Variants in NOXO1 observed in about 807,000 individuals in gnomAD.
The protein encoded by NOXO1 is NADPH oxidase organizer 1.
In NOXO1, 38 loss-of-function variants were observed where a neutral mutation model predicts 33.3. The observed-to-expected ratio is 1.14, with a 90% CI of 0.88 to 1.50. The LOEUF (loss-of-function observed/expected upper bound fraction) is 1.50. NOXO1 is among the 40% of genes most tolerant of loss of function. The pLI is 0.00. For synonymous variants in NOXO1, 302 were observed against 237.3 expected (o/e 1.27, Z -2.51); for missense variants, 675 against 527.1 (o/e 1.28, Z -2.75).
rs770620707 is a variant in NOXO1 at position 1,979,337 on chromosome 16, C to T, written c.831G>A (p.Arg277=). The change falls in exon 8 of 8, where the codon CGG becomes CGA. Residue 277 remains arginine (R), a synonymous_variant. Transcript: ENST00000356120. ...GCAGCACCGCGGGGAGTAGGCCCGCCCGGTCGCCGTACCTGCGAGGGGCGG... is the reference window on the plus strand; with the variant it reads ...GCAGCACCGCGGGGAGTAGGCCCGCTCGGTCGCCGTACCTGCGAGGGGCGG... ...RGWWLCRYGD[R]AGLLPAVLLR... The T allele has an allele frequency of 1.3e-5, 20 of 1,575,682 alleles. No individual in the cohort carries two copies. The African/African-American group carries it at 2.4e-4, about 19-fold the overall frequency.
chr16:1,980,472 G>T lies in NOXO1; in HGVS notation c.296C>A (p.Ser99Tyr). The T allele has an allele frequency of 6.2e-7, 1 of 1,602,388 alleles. No individual in the cohort carries two copies. Among genetic ancestry groups the T allele is most frequent in the East Asian group, 2.2e-5 (1 of 44,870 alleles). The change falls in exon 4 of 8, where the codon TCT becomes TAT. Residue 99 changes from serine to tyrosine, a missense_variant. By Grantham distance (144) the Ser-to-Tyr change is moderately radical. Coordinates refer to ENST00000356120, the MANE Select transcript of NOXO1 (RefSeq NM_172167.3). ...LARLQLLETY[S>Y]RRLLATAERV... is the part of the protein sequence containing the mutation. ...CTCTGCAGTCGCCAGCAGCCTCCGA[G>T]AATAGGTTTCCAACAGCTGCAGGCG...
At chr16:1,980,796 C>T (rs1428351186) in intron 2 of NOXO1, 65 bp from the exon 3 acceptor site, 4 of 1,515,268 alleles carry the variant, frequency 2.6e-6, no homozygotes, top group Non-Finnish European at 3.6e-6. Context: ...AGGGCGGGGT[C>T]CCTCACCCGG....
In NOXO1 at chr16:1,980,358, G is replaced by T; in HGVS notation, c.401+9C>A. The T allele has an allele frequency of 1.3e-6, 2 of 1,598,414 alleles. No homozygotes were observed. The highest frequency in any genetic ancestry group is 1.7e-5 in the Admixed American group (1 of 59,706). ...GCTGCATGCTGGGAGTTTGGGGCGA[G>T]TCAGGCACCTGCCGGGTGGCAGCGC... is the stretch of plus-strand genomic sequence containing the variant. On this transcript the variant is annotated intron_variant, in intron 4 of 7. Transcript: ENST00000356120.
In NOXO1 at chr16:1,979,099, G is replaced by T. The variant is rs768273628; in HGVS notation, c.1069C>A (p.Pro357Thr). 1.3e-6 allele frequency: 2 copies of T among 1,500,580 alleles called. No individual in the cohort carries two copies. The highest frequency in any genetic ancestry group is 1.8e-6 in the Non-Finnish European group (2 of 1,140,204). The allele number at this position is 1,500,580 out of a possible 1,614,324, so 93.0% of individuals were successfully genotyped here. ...GGCACAGAGTCCACGCACCCTCGAG[G>T]GCGGCCCTGGCGCCGTGGGCGCCGC... ...LERRPRRQGR[P>T]RGCVDSVPHP... The change falls in exon 8 of 8, where the codon CCT (proline) becomes ACT (threonine). Residue 357 changes from proline (P) to threonine (T), a missense_variant. By Grantham distance (38) the Pro-to-Thr change is conservative. Coordinates refer to ENST00000356120, the MANE Select transcript of NOXO1 (RefSeq NM_172167.3).
In NOXO1 at chr16:1,980,404, G is replaced by A; in HGVS notation, c.364C>T (p.Gln122Ter). Residue 122 changes from glutamine to a stop codon, truncating the protein, a stop_gained, in exon 4 of 8, where the codon CAA becomes TAA. Coordinates refer to ENST00000356120, the MANE Select transcript of NOXO1 (RefSeq NM_172167.3). LOFTEE classifies it high-confidence loss of function. ...SPTITGFFAP[Q>*]PLDLEPALPP... ...AGCGCGGGCTCCAGGTCCAGGGGTT[G>A]CGGTGCGAAGAAGCCAGTGATCGTC... 6.2e-7 allele frequency: 1 copy of A among 1,602,996 alleles called. No individual in the cohort carries two copies. The highest frequency in any genetic ancestry group is 8.5e-7 in the Non-Finnish European group (1 of 1,179,812).
Position 1,981,245 on chromosome 16 carries a change from G to C in NOXO1, c.-66C>G. On this transcript the variant is annotated 5_prime_UTR_variant, in exon 1 of 8. Coordinates refer to ENST00000356120, the MANE Select transcript of NOXO1 (RefSeq NM_172167.3). ...GACCCTTCTGCCTCCCCGTGCTTGA[G>C]AGGGCTCTGGGGGACCCAGAAAACC... The C allele has an allele frequency of 1.2e-6, 2 of 1,605,654 alleles. No individual in the cohort carries two copies. Among genetic ancestry groups the C allele is most frequent in the Non-Finnish European group, 1.7e-6 (2 of 1,176,400 alleles).
Position 1,979,556 on chromosome 16 carries a change from G to A in NOXO1, c.701-14C>T, listed in dbSNP as rs907556416. On this transcript the variant is annotated splice_polypyrimidine_tract_variant and intron_variant, in intron 6 of 7. Transcript: ENST00000356120. ...AGAACTGGGGACCTGGTGGGAGTGGGTGTTTGGAGTCACCGCGGGGCCACA... is the reference window on the plus strand; with the variant it reads ...AGAACTGGGGACCTGGTGGGAGTGGATGTTTGGAGTCACCGCGGGGCCACA... 14 of 1,595,854 alleles carry A rather than the reference G, an allele frequency of 8.8e-6. No homozygotes were observed. The highest frequency in any genetic ancestry group is 2.7e-5 in the African/African-American group (2 of 74,514).
At chr16:1,979,615 T>G (rs972459105) in intron 6 of NOXO1, 73 bp from the exon 7 acceptor site, 4 of 1,401,216 alleles carry the variant, frequency 2.9e-6, no homozygotes, top group Non-Finnish European at 2.0e-6. Flanking sequence ...TTCTCCACAT[T>G]CTCCTTGCTT....
Position 1,979,795 on chromosome 16 carries a change from C to G in NOXO1, c.695G>C (p.Ser232Thr). The G allele has an allele frequency of 6.5e-7, 1 of 1,549,026 alleles. No homozygotes were observed. The highest frequency in any genetic ancestry group is 1.2e-5 in the South Asian group (1 of 84,644). Residue 232 changes from serine (S) to threonine (T), a missense_variant, in exon 6 of 8, where the codon AGC becomes ACC. Transcript: ENST00000356120. ...QGREGGPSLG[S>T]SGPQFCASRA... is the part of the protein sequence containing the mutation. ...GGGTGGGGTTAGGCGCATACCGCTGCTCCCTAGGGACGGGCCTCCCTCCCG... is the reference window on the plus strand; with the variant it reads ...GGGTGGGGTTAGGCGCATACCGCTGGTCCCTAGGGACGGGCCTCCCTCCCG...
Position 1,980,637 on chromosome 16 carries a change from G to T in NOXO1, c.223+19C>A, listed in dbSNP as rs756434137. The T allele has an allele frequency of 4.4e-6, 7 of 1,600,548 alleles. No homozygotes were observed. Among genetic ancestry groups the T allele is most frequent in the Middle Eastern group, 1.7e-4 (1 of 6,032 alleles). ...GCAAGCCACCGCCTTCCCCGCTCCCGTACCCAGGCTGGCCTGACCGAGAAG... is the reference window on the plus strand; with the variant it reads ...GCAAGCCACCGCCTTCCCCGCTCCCTTACCCAGGCTGGCCTGACCGAGAAG... On this transcript the variant is annotated intron_variant, in intron 3 of 7. Transcript: ENST00000356120.
rs970815473 is a variant in NOXO1 at position 1,981,176 on chromosome 16, C to T, written c.4G>A (p.Ala2Thr). 1 of 1,613,662 alleles carries T rather than the reference C, an allele frequency of 6.2e-7. No individual in the cohort carries two copies. The highest frequency in any genetic ancestry group is 8.5e-7 in the Non-Finnish European group (1 of 1,180,016). Reference protein sequence around the residue: MAGPRYPVSVQG... With the variant: MTGPRYPVSVQG... ...ACTGAAACTGGGTATCGGGGGCCTG[C>T]CATGGCTGTGGCTTCCAGGCTGCAG... Residue 2 changes from alanine (A) to threonine (T), a missense_variant, in exon 1 of 8, where the codon GCA (alanine) becomes ACA (threonine). Transcript: ENST00000356120.
rs1451324618 is a variant in NOXO1, at chr16:1,979,902, G to A, written c.588C>T (p.Gly196=). Residue 196 remains glycine, a splice_region_variant and synonymous_variant, in exon 6 of 8, where the codon GGC becomes GGT. Transcript: ENST00000356120. ...GGTCTTCGTTCTCCACCAGCCACCAGCCTGTGCGCAAGAAGCGGGCAGGGA... is the reference window on the plus strand; with the variant it reads ...GGTCTTCGTTCTCCACCAGCCACCAACCTGTGCGCAAGAAGCGGGCAGGGA... ...SLDVLLRHPS[G]WWLVENEDRQ... 6.3e-7 allele frequency: 1 copy of A among 1,582,778 alleles called. No individual in the cohort carries two copies. Among genetic ancestry groups the A allele is most frequent in the East Asian group, 2.3e-5 (1 of 43,060 alleles).
intron 4 of NOXO1, 77 bp from the exon 5 acceptor site, chr16:1,980,258 C>T: frequency 2.0e-6 from 3 of 1,518,850 alleles, no homozygotes; most frequent in South Asian, 2.5e-5. Context: ...CCGGCAAGAC[C>T]GCCAGCCTCC....
At chr16:1,980,310 G>A in intron 4 of NOXO1, 57 bp downstream of exon 4, 1 of 1,559,736 alleles carries the variant, frequency 6.4e-7, no homozygotes, top group Non-Finnish European at 8.6e-7. Flanking sequence ...CCCCACCCTG[G>A]ACCTCTCCCA....
intron 2 of NOXO1, 43 bp downstream of exon 2, chr16:1,980,896 G>A (rs768121517): frequency 1.3e-6 from 2 of 1,568,856 alleles, no homozygotes; most frequent in African/African-American, 2.7e-5. Context: ...AGCCGCGTGG[G>A]GAAGCCGCCA....
chr16:1,980,526 C>G lies in NOXO1; in HGVS notation c.242G>C (p.Arg81Pro). The G allele has an allele frequency of 6.2e-7, 1 of 1,603,480 alleles. No homozygotes were observed. ...CAGGCCGCGGCTCGTGCGCCCCACG[C>G]GTCCCAACAGTGGTGCATCTTAAGG... is the stretch of plus-strand genomic sequence containing the variant. Reference protein sequence around the residue: ...PKLLDAPLLGRVGRTSRGLAR... With the variant: ...PKLLDAPLLGPVGRTSRGLAR... The change falls in exon 4 of 8, where the codon CGC becomes CCC. Residue 81 changes from arginine to proline, a missense_variant. Arg to Pro is a moderately radical substitution (Grantham distance 103). Coordinates refer to ENST00000356120, the MANE Select transcript of NOXO1 (RefSeq NM_172167.3).
chr16:1,979,677 G>T, intron 6 of NOXO1, 113 bp downstream of exon 6: 1 of 1,173,158 alleles, frequency 8.5e-7, no homozygotes, highest in Non-Finnish European at 1.2e-6. Context: ...CTTCCTCTAG[G>T]TGCGGAGACC....
intron 6 of NOXO1, 28 bp from the exon 7 acceptor site, chr16:1,979,570 C>A: frequency 6.4e-7 from 1 of 1,571,972 alleles, no homozygotes; most frequent in Non-Finnish European, 8.7e-7. Context: ...TTGGAGTCAC[C>A]GCGGGGCCAC....
chr16:1,981,044 C>T, intron 1 of NOXO1, 25 bp from the exon 2 acceptor site: 1 of 1,612,140 alleles, frequency 6.2e-7, no homozygotes, highest in Non-Finnish European at 8.5e-7. Context: ...GTTGGGAGTG[C>T]CGTGGAGGTG....
Sources: allele counts gnomAD v4.1 joint callset, GRCh38; gene constraint gnomAD v4.1.1; transcripts MANE v1.5; gene names NCBI Gene and HGNC (gene_info 2026-07-23, HGNC 2026-07-21).